NALCN: variants seen among roughly 807,000 people sequenced by gnomAD.
The protein encoded by NALCN is sodium leak channel, non-selective.
A neutral mutation model predicts 225.3 loss-of-function variants in NALCN; 111 were observed. The ratio of observed to expected loss-of-function variants is 0.49; its 90% CI spans 0.42 to 0.58. The LOEUF (loss-of-function observed/expected upper bound fraction) is 0.58, where lower values mean the gene tolerates loss of function less well. NALCN is among the 20% of genes least tolerant of loss of function. The pLI, the probability that NALCN is intolerant of heterozygous loss-of-function variation, is 0.00. For missense variants in NALCN, 1,378 were observed against 2,202.4 expected, an observed-to-expected ratio of 0.63 and a Z score of 7.49; for synonymous variants, 764 against 769.0, an observed-to-expected ratio of 0.99 and a Z score of 0.11.
intron 10 of NALCN, among the ~76,000 whole-genome samples, chr13:101,271,751 TGA>T (rs1456988708): frequency 6.6e-6 from 1 of 150,938 alleles, no homozygotes; most frequent in Non-Finnish European, 1.5e-5. Flanking sequence ...TGAGTATGCG[TGA>T]GGTGTGTGTG....
intron 10 of NALCN, among the ~76,000 whole-genome samples, chr13:101,265,262 A>G (rs901746791): frequency 1.3e-5 from 2 of 152,208 alleles, no homozygotes; most frequent in Non-Finnish European, 2.9e-5. Context: ...CCAGGGCTAC[A>G]AAATGGTACC....
At chr13:101,190,754 G>C (rs1594400450) in intron 14 of NALCN, among the ~76,000 whole-genome samples, 1 of 152,318 alleles carries the variant, frequency 6.6e-6, no homozygotes, top group East Asian at 1.9e-4. Context: ...TTCATTCATA[G>C]ATATTTAGAA....
At chr13:101,328,905 T>TGACA (rs1211500121) in intron 7 of NALCN, among the ~76,000 whole-genome samples, 1 of 152,186 alleles carries the variant, frequency 6.6e-6, no homozygotes, top group Non-Finnish European at 1.5e-5. Flanking sequence ...ATACTCACTA[T>TGACA]TGTAGCTCTA....
chr13:101,119,125 A>C (rs1434728394), intron 18 of NALCN, among the ~76,000 whole-genome samples: 1 of 152,182 alleles, frequency 6.6e-6, no homozygotes, highest in African/African-American at 2.4e-5. Flanking sequence ...GTGAATTCTT[A>C]GGGGCACTTT....
At chr13:101,233,814 A>T (rs1364026079) in intron 12 of NALCN, among the ~76,000 whole-genome samples, 2 of 152,208 alleles carry the variant, frequency 1.3e-5, no homozygotes, top group Non-Finnish European at 2.9e-5. Context: ...AAGACGCACC[A>T]GTCAATATCA....
At chr13:101,069,764 G>A (rs923624814) in intron 37 of NALCN, among the ~76,000 whole-genome samples, 4 of 152,096 alleles carry the variant, frequency 2.6e-5, no homozygotes, top group African/African-American at 9.7e-5. Flanking sequence ...TTGTCATTAT[G>A]ACTATGTTCA....
chr13:101,397,121 C>CGT (rs1555346501), intron 2 of NALCN, among the ~76,000 whole-genome samples: 1 of 108,986 alleles, frequency 9.2e-6, no homozygotes, highest in Non-Finnish European at 1.9e-5. Flanking sequence ...CATACACATA[C>CGT]ATATATATAA....
intron 1 of NALCN, among the ~76,000 whole-genome samples, chr13:101,415,780 G>A (rs1594804674): frequency 6.6e-6 from 1 of 152,116 alleles, no homozygotes; most frequent in South Asian, 2.1e-4. Flanking sequence ...GAGCCCCCGC[G>A]GAGACCTGCT....
At chr13:101,116,689 A>AC (rs2035734374) in intron 18 of NALCN, 3 of 382,118 alleles carry the variant, frequency 7.9e-6, no homozygotes, top group South Asian at 6.1e-5. Context: ...AAACGTAATT[A>AC]CCATCTAAAG....
intron 13 of NALCN, among the ~76,000 whole-genome samples, chr13:101,198,922 A>C (rs1417802832): frequency 2.0e-5 from 3 of 152,124 alleles, no homozygotes; most frequent in Non-Finnish European, 4.4e-5. Flanking sequence ...CTGGATTAAG[A>C]AAATGTGGCA....
intron 11 of NALCN, among the ~76,000 whole-genome samples, chr13:101,249,555 G>T (rs1202422035): frequency 2.0e-5 from 3 of 152,138 alleles, no homozygotes; most frequent in African/African-American, 7.2e-5. Context: ...TTTATTAAAA[G>T]TAATGCTATA....
In NALCN at chr13:101,065,565, CG is replaced by C; in HGVS notation, c.4447-5del. On this transcript the variant is annotated splice_region_variant and splice_polypyrimidine_tract_variant and intron_variant, in intron 39 of 43. Transcript: ENST00000251127. ...CGCGGAACGTGGGGATCACCCCCTG[CG>C]GGGCAGAGCACAAGAAGTAGCAAAT... 5 of 1,613,122 alleles carry C rather than the reference CG, an allele frequency of 3.1e-6. No individual in the cohort carries two copies. Among genetic ancestry groups the C allele is most frequent in the Non-Finnish European group, 4.2e-6 (5 of 1,179,854 alleles).
At chr13:101,331,184 T>C (rs2045157520) in intron 7 of NALCN, among the ~76,000 whole-genome samples, 1 of 151,834 alleles carries the variant, frequency 6.6e-6, no homozygotes, top group African/African-American at 2.4e-5. Flanking sequence ...ATAGCCAATA[T>C]TATAAACCAC....
At chr13:101,204,391 T>G (rs2040237751) in intron 13 of NALCN, among the ~76,000 whole-genome samples, 1 of 152,168 alleles carries the variant, frequency 6.6e-6, no homozygotes, top group Non-Finnish European at 1.5e-5. Context: ...TCCCAAAATA[T>G]GCTTGTTGCC....
At chr13:101,360,181 CCTCTCTTCCTCTCT>C (rs2046202069) in intron 6 of NALCN, among the ~76,000 whole-genome samples, 3 of 79,614 alleles carry the variant, frequency 3.8e-5, no homozygotes, top group East Asian at 3.5e-4. Flanking sequence ...TTCCTCTCTT[CCTCTCTTCCTCTCT>C]CTCTCTCTCT....
chr13:101,095,924 T>C (rs1325725837), intron 27 of NALCN, among the ~76,000 whole-genome samples: 1 of 152,112 alleles, frequency 6.6e-6, no homozygotes, highest in Non-Finnish European at 1.5e-5. Flanking sequence ...AAGGAAGATA[T>C]GCAAATGGCC....
chr13:101,379,858 A>G (rs1188867288), intron 3 of NALCN, among the ~76,000 whole-genome samples: 1 of 152,198 alleles, frequency 6.6e-6, no homozygotes, highest in African/African-American at 2.4e-5. Context: ...TAATAAAAAA[A>G]GACCCAACTA....
intron 17 of NALCN, among the ~76,000 whole-genome samples, chr13:101,132,696 G>A (rs892917154): frequency 5.3e-5 from 8 of 151,990 alleles, no homozygotes; most frequent in African/African-American, 1.9e-4. Context: ...ATAATAAATT[G>A]CAAAATTATT....
At chr13:101,334,364 A>T (rs60065514) in intron 7 of NALCN, among the ~76,000 whole-genome samples, 1 of 134,366 alleles carries the variant, frequency 7.4e-6, no homozygotes, top group African/African-American at 2.9e-5. Flanking sequence ...AGATGGGGGT[A>T]GGGGGAGCGG....
Sources: allele counts gnomAD v4.1 joint callset (sites outside exome capture counted in the v4.1 genomes callset), GRCh38; gene constraint gnomAD v4.1.1; transcripts MANE v1.5; gene names NCBI Gene and HGNC (gene_info 2026-07-23, HGNC 2026-07-21).